RTCB: variants seen among roughly 807,000 people sequenced by gnomAD.
The protein encoded by RTCB is RNA 2',3'-cyclic phosphate and 5'-OH ligase, also known as RNA-splicing ligase RTCB.
A neutral mutation model predicts 58.2 loss-of-function variants in RTCB; 32 were observed. The observed-to-expected ratio is 0.55, with a 90% CI of 0.41 to 0.74. The LOEUF (loss-of-function observed/expected upper bound fraction) is 0.74. RTCB is among the 30% of genes least tolerant of loss of function. RTCB has a pLI of 0.00. For missense variants in RTCB, 523 were observed against 639.0 expected (o/e 0.82, Z 1.96); for synonymous variants, 247 against 218.6 (o/e 1.13, Z -1.15).
chr22:32,412,153 T>A lies in RTCB; in HGVS notation c.4A>T (p.Ser2Cys). The A allele has an allele frequency of 6.3e-7, 1 of 1,592,626 alleles. No individual in the cohort carries two copies. The highest frequency in any genetic ancestry group is 1.1e-5 in the South Asian group (1 of 88,264). Residue 2 changes from serine to cysteine, a missense_variant, in exon 1 of 12, where the codon AGT becomes TGT. Ser to Cys is a moderately radical substitution (Grantham distance 112). Transcript: ENST00000216038. ...TGCAGCTCATCATTATAGCTGCGACTCATGGTGGCGAAAACTGTAGCAAAA... is the reference window on the plus strand; with the variant it reads ...TGCAGCTCATCATTATAGCTGCGACACATGGTGGCGAAAACTGTAGCAAAA... M[S>C]RSYNDELQFL... is the part of the protein sequence containing the mutation.
Position 32,408,774 on chromosome 22 carries a change from C to T in RTCB, c.153G>A (p.Arg51=), listed in dbSNP as rs773359585. ...ACTTACCACCACCTCGACAGGCATT[C>T]CTTAATTCCTCAAACATCAATTTCT... ...ALEKLMFEEL[R]NACRGGGVGG... Residue 51 remains arginine, a synonymous_variant, in exon 2 of 12, where the codon AGG becomes AGA. Coordinates refer to ENST00000216038, the MANE Select transcript of RTCB (RefSeq NM_014306.5). 6.2e-7 allele frequency: 1 copy of T among 1,613,670 alleles called. No individual in the cohort carries two copies. The highest frequency in any genetic ancestry group is 8.5e-7 in the Non-Finnish European group (1 of 1,179,578).
At chr22:32,400,926 T>C (rs73881691) in intron 5 of RTCB, among the ~76,000 whole-genome samples, 5,242 of 152,142 alleles carry the variant, frequency 0.034, 291 homozygotes, top group African/African-American at 0.12. Flanking sequence ...AGATACACTA[T>C]AGCATTATAT....
At chr22:32,397,909 A>G (rs1933272557) in intron 7 of RTCB, 32 bp downstream of exon 7, 3 of 1,574,236 alleles carry the variant, frequency 1.9e-6, no homozygotes, top group Non-Finnish European at 2.6e-6. Flanking sequence ...TGCCCATAAA[A>G]TGTACATTTT....
chr22:32,389,881 C>T (rs1172032972), intron 11 of RTCB, among the ~76,000 whole-genome samples: 9 of 152,286 alleles, frequency 5.9e-5, no homozygotes, highest in Middle Eastern at 3.4e-3. Flanking sequence ...AATGCTCTGG[C>T]GCCCCCTACC....
Position 32,388,058 on chromosome 22 carries a change from G to A in RTCB, c.1452C>T (p.Thr484=). 2.5e-6 allele frequency: 4 copies of A among 1,613,978 alleles called. No homozygotes were observed. Among genetic ancestry groups the A allele is most frequent in the Non-Finnish European group, 3.4e-6 (4 of 1,179,872 alleles). ...SYKNVTDVVN[T]CHDAGISKKA... is the part of the protein sequence containing the mutation. ...TCTTGCTGATTCCAGCATCATGGCAGGTATTTACCACATCTGTCACATTCT... is the reference window on the plus strand; with the variant it reads ...TCTTGCTGATTCCAGCATCATGGCAAGTATTTACCACATCTGTCACATTCT... The change falls in exon 12 of 12, where the codon ACC becomes ACT. Residue 484 remains threonine (T), a synonymous_variant. Transcript: ENST00000216038.
chr22:32,403,364 A>C (rs974847036), intron 4 of RTCB, among the ~76,000 whole-genome samples: 125 of 151,998 alleles, frequency 8.2e-4, no homozygotes, highest in African/African-American at 2.9e-3. Flanking sequence ...CCAAGATTGC[A>C]CCAGTGCACT....
intron 2 of RTCB, 140 bp downstream of exon 2, chr22:32,408,615 G>C: frequency 1.5e-6 from 1 of 666,946 alleles, no homozygotes. Flanking sequence ...TCACAAATAA[G>C]TAAGTGCTTT....
chr22:32,394,027 T>C, intron 9 of RTCB, 25 bp from the exon 10 acceptor site: 1 of 1,510,130 alleles, frequency 6.6e-7, no homozygotes, highest in Non-Finnish European at 9.2e-7. Flanking sequence ...AAATCAAACA[T>C]GTTAAAATTC....
chr22:32,397,377 C>T (rs1933263273), intron 7 of RTCB, among the ~76,000 whole-genome samples: 1 of 152,198 alleles, frequency 6.6e-6, no homozygotes, highest in Non-Finnish European at 1.5e-5. Context: ...GTCCATGAAG[C>T]CATCTCCAAA....
chr22:32,409,164 C>A (rs768366573), intron 1 of RTCB, among the ~76,000 whole-genome samples: 8 of 151,118 alleles, frequency 5.3e-5, no homozygotes, highest in Non-Finnish European at 8.8e-5. Flanking sequence ...AGGTCTTAAT[C>A]CTCAAGCTTC....
In RTCB at chr22:32,412,132, G is replaced by A; in HGVS notation, c.25C>T (p.Leu9=). 1 of 1,605,054 alleles carries A rather than the reference G, an allele frequency of 6.2e-7. No individual in the cohort carries two copies. Among genetic ancestry groups the A allele is most frequent in the Middle Eastern group, 1.7e-4 (1 of 6,038 alleles). Residue 9 remains leucine, a synonymous_variant, in exon 1 of 12, where the codon CTG becomes TTG. Coordinates refer to ENST00000216038, the MANE Select transcript of RTCB (RefSeq NM_014306.5). MSRSYNDE[L]QFLEKINKNC... Reference sequence around the variant, plus strand: ...TTATTGATCTTCTCCAAGAACTGCAGCTCATCATTATAGCTGCGACTCATG... The same window carrying A: ...TTATTGATCTTCTCCAAGAACTGCAACTCATCATTATAGCTGCGACTCATG...
At chr22:32,393,015 C>A (rs1254468937) in intron 10 of RTCB, among the ~76,000 whole-genome samples, 1 of 152,250 alleles carries the variant, frequency 6.6e-6, no homozygotes, top group Non-Finnish European at 1.5e-5. Context: ...TAGCTCACTG[C>A]AGCCTTAATC....
At chr22:32,402,516 C>A (rs1044856948) in intron 4 of RTCB, among the ~76,000 whole-genome samples, 19 of 152,322 alleles carry the variant, frequency 1.2e-4, no homozygotes, top group African/African-American at 4.3e-4. Flanking sequence ...GTGGGGTGAT[C>A]TCGGCTCACT....
intron 11 of RTCB, 83 bp downstream of exon 11, chr22:32,392,157 C>A: frequency 1.1e-5 from 16 of 1,408,568 alleles, no homozygotes; most frequent in Middle Eastern, 2.5e-4. Flanking sequence ...TTAGTAACAC[C>A]CTAAATTGCT....
At chr22:32,408,583 C>T (rs532807690) in intron 2 of RTCB, among the ~76,000 whole-genome samples, 172 bp downstream of exon 2, 74 of 152,348 alleles carry the variant, frequency 4.9e-4, no homozygotes, top group African/African-American at 1.6e-3. Flanking sequence ...CGTTCTATAA[C>T]GCCAACTGGC....
intron 3 of RTCB, 166 bp downstream of exon 3, chr22:32,408,009 T>C: frequency 3.2e-6 from 2 of 617,198 alleles, no homozygotes; most frequent in South Asian, 4.3e-5. Context: ...TCCATCTTGG[T>C]CTCTCAAAGT....
intron 9 of RTCB, 109 bp from the exon 10 acceptor site, chr22:32,394,111 C>CTT: frequency 1.9e-5 from 12 of 640,424 alleles, no homozygotes; most frequent in South Asian, 5.5e-5. Flanking sequence ...GAAACCCAGA[C>CTT]TTCTTTTTTT....
At chr22:32,394,522 C>G (rs1299990505) in intron 9 of RTCB, among the ~76,000 whole-genome samples, 1 of 151,994 alleles carries the variant, frequency 6.6e-6, no homozygotes, top group East Asian at 1.9e-4. Context: ...ATCTGAGGAC[C>G]AGTAAAAATG....
At chr22:32,398,765 A>G (rs1343348049) in intron 6 of RTCB, among the ~76,000 whole-genome samples, 1 of 152,208 alleles carries the variant, frequency 6.6e-6, no homozygotes, top group East Asian at 1.9e-4. Flanking sequence ...TGATTTTGAA[A>G]CATCTATGAG....
Sources: allele counts gnomAD v4.1 joint callset (sites outside exome capture counted in the v4.1 genomes callset), GRCh38; gene constraint gnomAD v4.1.1; transcripts MANE v1.5; gene names NCBI Gene and HGNC (gene_info 2026-07-23, HGNC 2026-07-21).